The following RABGGTA variants were observed in gnomAD, a reference collection of about 807,000 sequenced individuals.
RABGGTA encodes geranylgeranyl transferase type-2 subunit alpha.
Under a neutral mutation model 83.3 loss-of-function variants are expected in RABGGTA, and 69 were observed. The ratio of observed to expected loss-of-function variants is 0.83; its 90% CI spans 0.68 to 1.01. RABGGTA has a LOEUF of 1.01. Ranked by LOEUF, RABGGTA falls within the 50% of genes least tolerant of loss-of-function variation. The pLI is 0.00. For missense variants in RABGGTA, 681 were observed against 712.7 expected, an observed-to-expected ratio of 0.96 and a Z score of 0.51; for synonymous variants, 310 against 299.8, an observed-to-expected ratio of 1.03 and a Z score of -0.35.
chr14:24,268,783 G>C lies in RABGGTA; in HGVS notation c.842C>G (p.Ser281Cys), dbSNP rs2040906183. The C allele has an allele frequency of 1.3e-6, 2 of 1,577,494 alleles. No homozygotes were observed. Among genetic ancestry groups the C allele is most frequent in the South Asian group, 2.3e-5 (2 of 86,426 alleles). ...GGTCCTCCACTCCACAATCAGGGGAGAATCATCAACCATGAGCAGCAAGAT... is the reference window on the plus strand; with the variant it reads ...GGTCCTCCACTCCACAATCAGGGGACAATCATCAACCATGAGCAGCAAGAT... ...MEILLLMVDD[S>C]PLIVEWRTPD... Residue 281 changes from serine (S) to cysteine (C), a missense_variant, in exon 9 of 17, where the codon TCT becomes TGT. Ser to Cys is a moderately radical substitution (Grantham distance 112). Transcript: ENST00000216840.
intron 3 of RABGGTA, 37 bp downstream of exon 3, chr14:24,270,800 A>G: frequency 6.3e-7 from 1 of 1,599,800 alleles, no homozygotes; most frequent in African/African-American, 1.3e-5. Flanking sequence ...ATACTAAGGG[A>G]GCTACTTGGG....
At chr14:24,271,255 A>G in intron 1 of RABGGTA, 86 bp from the exon 2 acceptor site, 1 of 1,110,868 alleles carries the variant, frequency 9.0e-7, no homozygotes, top group Non-Finnish European at 1.3e-6. Flanking sequence ...GTGCCTGGGC[A>G]GAGACCCCCA....
At chr14:24,266,609 C>A in intron 15 of RABGGTA, 92 bp from the exon 16 acceptor site, 1 of 1,327,926 alleles carries the variant, frequency 7.5e-7, no homozygotes, top group Non-Finnish European at 1.1e-6. Flanking sequence ...GTCCACAGAG[C>A]ACAGAGGGGC....
chr14:24,267,405 G>A (rs2040887430), intron 14 of RABGGTA, among the ~76,000 whole-genome samples: 1 of 152,132 alleles, frequency 6.6e-6, no homozygotes, highest in Non-Finnish European at 1.5e-5. Context: ...CACTCTGAAG[G>A]AAGATGAAGC....
rs2040927529 is a variant in RABGGTA at position 24,270,115 on chromosome 14, C to G, written c.265G>C (p.Val89Leu). Residue 89 changes from valine to leucine, a missense_variant, in exon 5 of 17, where the codon GTG becomes CTG. Transcript: ENST00000216840. ...TCCAGGAAGCCCAGTTCTGCCTTCA[C>G]CAGAGCAGCCAACTCTTCAGGAGAC... ...QKSPEELAALVKAELGFLESC... is the reference protein window; with the variant it reads ...QKSPEELAALLKAELGFLESC... 6.2e-7 allele frequency: 1 copy of G among 1,608,064 alleles called. No homozygotes were observed. Among genetic ancestry groups the G allele is most frequent in the African/African-American group, 1.3e-5 (1 of 74,746 alleles).
rs2139046691 is a variant in RABGGTA, at chr14:24,271,485, A to C, written c.-55+2T>G. ...ACCCCCGCCCCCCGCGGGCGGACCC[A>C]CCTGCGCTGGGAGGAGGCGCGGGGG... On this transcript the variant is annotated splice_donor_variant, in intron 1 of 16. Transcript: ENST00000216840. LOFTEE classifies it low-confidence loss of function (5UTR_SPLICE). 1 of 194,774 alleles carries C rather than the reference A, an allele frequency of 5.1e-6. No individual in the cohort carries two copies. The highest frequency in any genetic ancestry group is 1.0e-5 in the Non-Finnish European group (1 of 96,332). The allele number at this position is 194,774 out of a possible 1,614,324, so 12.1% of individuals were successfully genotyped here.
At chr14:24,265,822 G>A (rs947194290) in intron 16 of RABGGTA, 59 bp from the exon 17 acceptor site, 14 of 1,527,050 alleles carry the variant, frequency 9.2e-6, no homozygotes, top group Non-Finnish European at 1.1e-5. Flanking sequence ...TTGCTCCTGT[G>A]TACCCTCAAG....
intron 16 of RABGGTA, 29 bp downstream of exon 16, chr14:24,266,401 G>A (rs2040873574): frequency 6.2e-7 from 1 of 1,608,940 alleles, no homozygotes; most frequent in African/African-American, 1.3e-5. Context: ...TTTACCCACT[G>A]TCTGAAAGGC....
intron 6 of RABGGTA, 127 bp downstream of exon 6, chr14:24,269,364 A>G: frequency 2.5e-6 from 3 of 1,205,732 alleles, no homozygotes; most frequent in Non-Finnish European, 3.5e-6. Context: ...ATTCTTAAGC[A>G]CCCCTGGAGC....
At chr14:24,266,256 TGC>T (rs767002439) in intron 16 of RABGGTA, among the ~76,000 whole-genome samples, 172 bp downstream of exon 16, 41 of 152,268 alleles carry the variant, frequency 2.7e-4, no homozygotes, top group Middle Eastern at 3.4e-3. Context: ...ACTCCACCAG[TGC>T]AGGTCAGTGA....
Position 24,268,989 on chromosome 14 carries a change from G to T in RABGGTA, c.720C>A (p.Asp240Glu). 1.9e-6 allele frequency: 3 copies of T among 1,583,224 alleles called. No homozygotes were observed. The highest frequency in any genetic ancestry group is 3.3e-4 in the Middle Eastern group (2 of 6,008). The change falls in exon 8 of 17, where the codon GAC (aspartate) becomes GAA (glutamate). Residue 240 changes from aspartate to glutamate, a missense_variant. Coordinates refer to ENST00000216840, the MANE Select transcript of RABGGTA (RefSeq NM_182836.3). ...FYHRWLLGRA[D>E]PQDALRCLHV... ...GCAGGCAGCGCAGTGCATCCTGGGG[G>T]TCAGCTGCGGGGAGACAGTGTCAGA... is the stretch of plus-strand genomic sequence containing the variant.
intron 16 of RABGGTA, 126 bp from the exon 17 acceptor site, chr14:24,265,889 G>A (rs2040867549): frequency 7.1e-7 from 1 of 1,407,244 alleles, no homozygotes; most frequent in Admixed American, 2.8e-5. Context: ...GCTCCCTGGA[G>A]GGAGTCAGGC....
At position 24,268,169 on chromosome 14, in the gene RABGGTA, A is replaced by G. The variant is rs1257256919; in HGVS notation, c.1088T>C (p.Val363Ala). Residue 363 changes from valine to alanine, a missense_variant, in exon 12 of 17, where the codon GTG (valine) becomes GCG (alanine). Coordinates refer to ENST00000216840, the MANE Select transcript of RABGGTA (RefSeq NM_182836.3). ...ACAGGATTCCAGCTCAGACTGCAGC[A>G]CTGTGGACTTCTCCACTGACAGCTC... ...RCELSVEKSTVLQSELESCKE... is the reference protein window; with the variant it reads ...RCELSVEKSTALQSELESCKE... The G allele has an allele frequency of 1.3e-6, 2 of 1,584,640 alleles. No individual in the cohort carries two copies. Among genetic ancestry groups the G allele is most frequent in the Non-Finnish European group, 1.7e-6 (2 of 1,162,394 alleles).
chr14:24,270,364 C>T lies in RABGGTA; in HGVS notation c.209G>A (p.Arg70Gln), dbSNP rs751275712. Residue 70 changes from arginine (R) to glutamine (Q), a missense_variant, in exon 4 of 17, where the codon CGA becomes CAA. Around this residue, in one of 5 missense-constraint regions of RABGGTA, gnomAD observed 115 missense variants for 111.5 expected, o/e 1.03. Transcript: ENST00000216840. ...AGTCTCCAGCTGCTGGAGCACCTCT[C>T]GTCGGCAGTTCCAGAGGGTGGCAAA... ...PDFATLWNCR[R>Q]EVLQQLETQK... 3.1e-6 allele frequency: 5 copies of T among 1,613,898 alleles called. No homozygotes were observed. In the South Asian group the frequency reaches 3.3e-5, roughly 11 times the overall value.
At position 24,268,146 on chromosome 14, in the gene RABGGTA, A is replaced by G; in HGVS notation, c.1111T>C (p.Cys371Arg). ...GGCTCCAGCTCCTGCAGCTCCTTAC[A>G]GGATTCCAGCTCAGACTGCAGCACT... Reference protein sequence around the residue: ...STVLQSELESCKELQELEPEN... With the variant: ...STVLQSELESRKELQELEPEN... The change falls in exon 12 of 17, where the codon TGT becomes CGT. Residue 371 changes from cysteine (C) to arginine (R), a missense_variant. Transcript: ENST00000216840. 1 of 1,508,202 alleles carries G rather than the reference A, an allele frequency of 6.6e-7. No homozygotes were observed. Among genetic ancestry groups the G allele is most frequent in the Non-Finnish European group, 9.0e-7 (1 of 1,112,436 alleles). 93.4% of individuals were successfully genotyped at this position (1,508,202 alleles called of 1,614,324 possible).
intron 14 of RABGGTA, among the ~76,000 whole-genome samples, chr14:24,267,442 A>G (rs1019894863): frequency 6.6e-6 from 1 of 152,136 alleles, no homozygotes. Flanking sequence ...AAGAAACAGC[A>G]CAAGGAGGTC....
At chr14:24,266,542 C>G (rs771122536) in intron 15 of RABGGTA, 25 bp from the exon 16 acceptor site, 1 of 1,606,738 alleles carries the variant, frequency 6.2e-7, no homozygotes, top group Non-Finnish European at 8.5e-7. Context: ...GGCAGGGAGG[C>G]AGGACAGGCG....
rs2040875580 is a variant in RABGGTA, at chr14:24,266,507, G to A, written c.1478C>T (p.Ala493Val). ...AALRCLEVLQ[A>V]SDNAIESLDG... ...CAGGGACTCTATGGCATTATCACTGGCCTGCAGCACCTGGGGGCAGGGAGG... is the reference window on the plus strand; with the variant it reads ...CAGGGACTCTATGGCATTATCACTGACCTGCAGCACCTGGGGGCAGGGAGG... The change falls in exon 16 of 17, where the codon GCC (alanine) becomes GTC (valine). Residue 493 changes from alanine (A) to valine (V), a missense_variant. Ala to Val is a moderately conservative substitution (Grantham distance 64). This residue lies in a region of RABGGTA where 421 missense variants were observed against 418.5 expected (regional missense o/e 1.01). Transcript: ENST00000216840. The A allele has an allele frequency of 3.1e-6, 5 of 1,613,814 alleles. No individual in the cohort carries two copies. Among genetic ancestry groups the A allele is most frequent in the Non-Finnish European group, 4.2e-6 (5 of 1,179,868 alleles).
In RABGGTA at chr14:24,269,591, G is replaced by A; in HGVS notation, c.531C>T (p.Asn177=). Residue 177 remains asparagine (N), a synonymous_variant, in exon 6 of 17, where the codon AAC becomes AAT. Coordinates refer to ENST00000216840, the MANE Select transcript of RABGGTA (RefSeq NM_182836.3). Reference sequence around the variant, plus strand: ...AGGAGCGGTAATGCCAGGAAGAGTAGTTGGAGAAGTTTCGGGTGATGAGGC... The same window carrying A: ...AGGAGCGGTAATGCCAGGAAGAGTAATTGGAGAAGTTTCGGGTGATGAGGC... The part of the protein sequence containing the change: ...TDSLITRNFS[N]YSSWHYRSCL... 2.5e-6 allele frequency: 4 copies of A among 1,613,012 alleles called. No homozygotes were observed. The highest frequency in any genetic ancestry group is 1.7e-5 in the Admixed American group (1 of 60,026).
Sources: gnomAD v4.1 joint callset for allele counts (sites outside exome capture counted in the v4.1 genomes callset) on GRCh38, gnomAD v4.1.1 for gene constraint, gnomAD v4.1.1 regional missense constraint, MANE v1.5 for transcripts, NCBI Gene and HGNC (gene_info 2026-07-23, HGNC 2026-07-21) for gene names.